Variants in BEST4 observed in about 807,000 individuals in gnomAD.
BEST4 encodes the protein bestrophin 4, also known as bestrophin-4.
In BEST4, 36 loss-of-function variants were observed where a neutral mutation model predicts 47.1. The ratio of observed to expected loss-of-function variants is 0.76; its 90% CI spans 0.59 to 1.01. The LOEUF (loss-of-function observed/expected upper bound fraction) is 1.01, where lower values mean the gene tolerates loss of function less well. BEST4 is among the 50% of genes least tolerant of loss of function. The pLI, the probability that BEST4 is intolerant of heterozygous loss-of-function variation, is 0.00. For synonymous variants in BEST4, 250 were observed against 277.8 expected (o/e 0.90, Z 1.00); for missense variants, 550 against 648.6 (o/e 0.85, Z 1.65).
In BEST4 at chr1:44,784,319, CG is replaced by C. The variant is rs755252994; in HGVS notation, c.1312del (p.Arg438AlafsTer82). 1.8e-5 allele frequency: 25 copies of C among 1,393,662 alleles called. No homozygotes were observed. Among genetic ancestry groups the C allele is most frequent in the Admixed American group, 1.1e-4 (3 of 27,868 alleles). 86.3% of individuals were successfully genotyped at this position (1,393,662 alleles called of 1,614,324 possible). A position where few individuals can be genotyped will look rare whatever the true frequency, so the allele number is the denominator to read the frequency against. On this transcript the variant is annotated frameshift_variant, in exon 9 of 9. Transcript: ENST00000372207. LOFTEE classifies it low-confidence loss of function (END_TRUNC). The surrounding 1 kb of genome is among the most constrained non-coding windows in gnomAD (Gnocchi z 6.2). ...RNFGRVRGTPRPPHLLRFRAE... is the reference protein window; with the variant it reads ...RNFGRVRGTPXPPHLLRFRAE... ...CCGGAAGCGCAGCAGATGCGGGGGG[CG>C]GGGGGTGCCTCGCACGCGGCCGAAG...
rs951708930 is a variant in BEST4 at position 44,784,151 on chromosome 1, G to C, written c.*59C>G. 37 of 1,354,236 alleles carry C rather than the reference G, an allele frequency of 2.7e-5. No homozygotes were observed. The highest frequency in any genetic ancestry group is 4.6e-5 in the African/African-American group (3 of 64,842). 83.9% of individuals were successfully genotyped at this position (1,354,236 alleles called of 1,614,324 possible). On this transcript the variant is annotated 3_prime_UTR_variant, in exon 9 of 9. Coordinates refer to ENST00000372207, the MANE Select transcript of BEST4 (RefSeq NM_153274.3). The surrounding 1 kb of genome is among the most constrained non-coding windows in gnomAD (Gnocchi z 6.2). Reference sequence around the variant, plus strand: ...TCTAATAGAGCTGGCTGGCAGGACCGGGCACGGGAGGGAAGGAGGGCAGTG... The same window carrying C: ...TCTAATAGAGCTGGCTGGCAGGACCCGGCACGGGAGGGAAGGAGGGCAGTG...
chr1:44,792,244 T>C (rs1316497597), upstream of BEST4, among the ~76,000 whole-genome samples: 2 of 151,256 alleles, frequency 1.3e-5, no homozygotes, highest in African/African-American at 4.9e-5. Flanking sequence ...CTGACCAACA[T>C]GGCAAAATCC....
intron 5 of BEST4, 90 bp downstream of exon 5, chr1:44,785,509 C>A: frequency 7.4e-7 from 1 of 1,343,810 alleles, no homozygotes. Context: ...CTGAAATGGC[C>A]AGGCAAGTAC....
intron 6 of BEST4, 25 bp from the exon 7 acceptor site, chr1:44,785,010 T>C (rs773936755): frequency 1.9e-6 from 3 of 1,613,320 alleles, no homozygotes; most frequent in Non-Finnish European, 2.5e-6. Flanking sequence ...GACAGGGTTT[T>C]CTGGGTTCAG....
rs1041631425 is a variant in BEST4, at chr1:44,784,783, C to T, written c.994G>A (p.Val332Met). Residue 332 changes from valine to methionine, a missense_variant and splice_region_variant, in exon 8 of 9, where the codon GTG becomes ATG. Transcript: ENST00000372207. The surrounding 1 kb of genome is among the most constrained non-coding windows in gnomAD (Gnocchi z 6.2). ...ATTTCGTCCACGGATAGCAGGGACA[C>T]CTGGGCCACCAGCAAGTTACAAGGA... ...TNQLIDRNLQ[V>M]SLLSVDEMYQ... 1.3e-6 allele frequency: 2 copies of T among 1,592,048 alleles called. No homozygotes were observed. Among genetic ancestry groups the T allele is most frequent in the Non-Finnish European group, 8.6e-7 (1 of 1,168,092 alleles).
intron 2 of BEST4, 120 bp downstream of exon 2, chr1:44,787,252 A>T: frequency 1.1e-6 from 1 of 944,218 alleles, no homozygotes. Flanking sequence ...AGTAGCTGAG[A>T]CTGCAGGTGT....
At chr1:44,791,089 C>G (rs903311061), upstream of BEST4, among the ~76,000 whole-genome samples, 8 of 152,150 alleles carry the variant, frequency 5.3e-5, no homozygotes, top group Non-Finnish European at 8.8e-5. Flanking sequence ...TCCCCCACCC[C>G]ACCCCTGCTA....
upstream of BEST4, among the ~76,000 whole-genome samples, chr1:44,790,458 C>A (rs1039897803): frequency 2.0e-5 from 3 of 152,106 alleles, no homozygotes; most frequent in Non-Finnish European, 2.9e-5. Flanking sequence ...TGGCTCAGAG[C>A]ACCCTCTAGG....
In BEST4 at chr1:44,784,418, G is replaced by GC; in HGVS notation, c.1213_1214insG (p.Pro405ArgfsTer98). On this transcript the variant is annotated frameshift_variant, in exon 9 of 9. Transcript: ENST00000372207. LOFTEE classifies it low-confidence loss of function (END_TRUNC). The surrounding 1 kb of genome is among the most constrained non-coding windows in gnomAD (Gnocchi z 6.2). Reference sequence around the variant, plus strand: ...GCCGAGCAACGGGGTCTGCGCGGCGGGCGCGGGCCGACCAGATCCGGGGGA... The same window carrying GC: ...GCCGAGCAACGGGGTCTGCGCGGCGGCGCGCGGGCCGACCAGATCCGGGGGA... 7.0e-7 allele frequency: 1 copy of GC among 1,424,424 alleles called. No individual in the cohort carries two copies. The highest frequency in any genetic ancestry group is 9.1e-7 in the Non-Finnish European group (1 of 1,099,910). The allele number at this position is 1,424,424 out of a possible 1,614,324, so 88.2% of individuals were successfully genotyped here.
At chr1:44,791,540 C>A (rs1463279709), upstream of BEST4, among the ~76,000 whole-genome samples, 2 of 151,962 alleles carry the variant, frequency 1.3e-5, no homozygotes, top group Non-Finnish European at 1.5e-5. Flanking sequence ...TTGTTCCCAG[C>A]CCTGTGGTCT....
At chr1:44,785,015 G>C (rs758908781) in intron 6 of BEST4, 30 bp from the exon 7 acceptor site, 1 of 1,612,822 alleles carries the variant, frequency 6.2e-7, no homozygotes, top group Non-Finnish European at 8.5e-7. Context: ...GGTTTTCTGG[G>C]TTCAGAGCCC....
In BEST4 at chr1:44,784,735, C is replaced by T. The variant is rs1209321839; in HGVS notation, c.1042G>A (p.Glu348Lys). 1.9e-6 allele frequency: 3 copies of T among 1,603,978 alleles called. No homozygotes were observed. The highest frequency in any genetic ancestry group is 1.7e-5 in the Admixed American group (1 of 58,642). ...TCCTCATCCCAGTACTGGTCCTTCTCAGCGGGGGGAAGGTTCTGGTACATT... is the reference window on the plus strand; with the variant it reads ...TCCTCATCCCAGTACTGGTCCTTCTTAGCGGGGGGAAGGTTCTGGTACATT... ...DEMYQNLPPA[E>K]KDQYWDEDQP... Residue 348 changes from glutamate (E) to lysine (K), a missense_variant, in exon 8 of 9, where the codon GAG (glutamate) becomes AAG (lysine). Around this residue, in one of 3 missense-constraint regions of BEST4, gnomAD observed 255 missense variants for 286.6 expected, o/e 0.89. Coordinates refer to ENST00000372207, the MANE Select transcript of BEST4 (RefSeq NM_153274.3). The surrounding 1 kb of genome is among the most constrained non-coding windows in gnomAD (Gnocchi z 6.2).
At chr1:44,791,852 C>T (rs1318013531), upstream of BEST4, among the ~76,000 whole-genome samples, 6 of 152,218 alleles carry the variant, frequency 3.9e-5, no homozygotes, top group Middle Eastern at 3.4e-3. Context: ...AAATGGATTC[C>T]GGAGCCACAC....
At position 44,784,124 on chromosome 1, in the gene BEST4, G is replaced by C. The variant is rs1224608503; in HGVS notation, c.*86C>G. 1 of 1,264,290 alleles carries C rather than the reference G, an allele frequency of 7.9e-7. No homozygotes were observed. The highest frequency in any genetic ancestry group is 4.0e-5 in the Admixed American group (1 of 24,968). The allele number at this position is 1,264,290 out of a possible 1,614,324, so 78.3% of individuals were successfully genotyped here. On this transcript the variant is annotated 3_prime_UTR_variant, in exon 9 of 9. Transcript: ENST00000372207. The surrounding 1 kb of genome is among the most constrained non-coding windows in gnomAD (Gnocchi z 6.2). ...GCCTTCAAGGCACACAGGAAAAGCT[G>C]CTCTAATAGAGCTGGCTGGCAGGAC...
In BEST4 at chr1:44,786,570, C is replaced by T; in HGVS notation, c.374G>A (p.Arg125His). The T allele has an allele frequency of 1.3e-6, 2 of 1,550,212 alleles. No homozygotes were observed. The highest frequency in any genetic ancestry group is 1.7e-6 in the Non-Finnish European group (2 of 1,147,066). The change falls in exon 3 of 9, where the codon CGC (arginine) becomes CAC (histidine). Residue 125 changes from arginine (R) to histidine (H), a missense_variant. Arg to His is a conservative substitution (Grantham distance 29, BLOSUM62 0). Coordinates refer to ENST00000372207, the MANE Select transcript of BEST4 (RefSeq NM_153274.3). This position sits in a 1 kb window ranked among gnomAD's most constrained non-coding sequence, Gnocchi z 4.9. ...GTTCGCGTAGCGGATGAGGGTGCGG[C>T]GCAGCAGGCGGCCCCGCTGGTCCAC... ...HGVDQRGRLL[R>H]RTLIRYANLA...
chr1:44,782,996 G>C (rs934907518), downstream of BEST4, among the ~76,000 whole-genome samples: 1 of 150,752 alleles, frequency 6.6e-6, no homozygotes, highest in Non-Finnish European at 1.5e-5. Flanking sequence ...CTCTGTAACC[G>C]AGAGCTAGAG....
chr1:44,785,563 G>A (rs764611531), intron 5 of BEST4, 36 bp downstream of exon 5: 4 of 1,507,094 alleles, frequency 2.7e-6, no homozygotes, highest in Non-Finnish European at 1.8e-6. Flanking sequence ...AGGACATACA[G>A]TAGGCACTGG....
In BEST4 at chr1:44,786,202, T is replaced by C; in HGVS notation, c.508A>G (p.Lys170Glu). 1 of 1,613,700 alleles carries C rather than the reference T, an allele frequency of 6.2e-7. No homozygotes were observed. Among genetic ancestry groups the C allele is most frequent in the Non-Finnish European group, 8.5e-7 (1 of 1,179,840 alleles). ...AGFMSQEERKKFESLKSDFNK... is the reference protein window; with the variant it reads ...AGFMSQEERKEFESLKSDFNK... ...AAGTCGGATTTCAGGCTCTCAAACTTTTTCCTCTCTTCCTGGGACATGAAA... is the reference window on the plus strand; with the variant it reads ...AAGTCGGATTTCAGGCTCTCAAACTCTTTCCTCTCTTCCTGGGACATGAAA... Residue 170 changes from lysine to glutamate, a missense_variant, in exon 4 of 9, where the codon AAG becomes GAG. Around this residue, in one of 3 missense-constraint regions of BEST4, gnomAD observed 291 missense variants for 342.4 expected, o/e 0.85. Transcript: ENST00000372207. This position sits in a 1 kb window ranked among gnomAD's most constrained non-coding sequence, Gnocchi z 4.9.
At chr1:44,783,428 G>A (rs913441672), downstream of BEST4, among the ~76,000 whole-genome samples, 1 of 152,048 alleles carries the variant, frequency 6.6e-6, no homozygotes, top group African/African-American at 2.4e-5. Flanking sequence ...GGTGGTGGAT[G>A]GCTGCCTTCA....
Sources: gnomAD v4.1 joint callset for allele counts (sites outside exome capture counted in the v4.1 genomes callset) on GRCh38, gnomAD v4.1.1 for gene constraint, gnomAD v4.1.1 regional missense constraint, Gnocchi (gnomAD v3.1) non-coding constraint, MANE v1.5 for transcripts, NCBI Gene and HGNC (gene_info 2026-07-23, HGNC 2026-07-21) for gene names.